SLIT2: variants seen among roughly 807,000 people sequenced by gnomAD.
The protein encoded by SLIT2 is slit homolog 2 protein.
Under a neutral mutation model 185.7 loss-of-function variants are expected in SLIT2, and 41 were observed. That is an observed-to-expected ratio of 0.22 (90% confidence interval 0.17 to 0.29). The LOEUF (loss-of-function observed/expected upper bound fraction) is 0.29, where lower values mean the gene tolerates loss of function less well. SLIT2 is among the 10% of genes least tolerant of loss of function. The pLI is 1.00. For synonymous variants in SLIT2, 693 were observed against 680.2 expected (o/e 1.02, Z -0.29); for missense variants, 1,571 against 1,909.0 (o/e 0.82, Z 3.30).
chr4:20,573,085 C>T (rs554330198), intron 29 of SLIT2: 98 of 662,998 alleles, frequency 1.5e-4, no homozygotes, highest in Non-Finnish European at 2.2e-4. Flanking sequence ...GCGTGTGGCC[C>T]GGCTGTAGGT....
At chr4:20,529,150 A>G (rs776952264) in intron 16 of SLIT2, 51 bp downstream of exon 16, 41 of 1,396,888 alleles carry the variant, frequency 2.9e-5, no homozygotes, top group Non-Finnish European at 4.0e-5. Context: ...GAATGAAAGC[A>G]TTAAAGCATA....
At chr4:20,341,407 T>G (rs908338423) in intron 4 of SLIT2, among the ~76,000 whole-genome samples, 5 of 152,224 alleles carry the variant, frequency 3.3e-5, no homozygotes, top group African/African-American at 1.2e-4. Context: ...TACTGTTTTG[T>G]TTACTGTAAC....
chr4:20,483,958 A>G (rs1716962128), intron 6 of SLIT2, among the ~76,000 whole-genome samples: 2 of 152,086 alleles, frequency 1.3e-5, no homozygotes. Context: ...TTTTTCAGTC[A>G]TTGAGTATCA....
chr4:20,315,346 A>G (rs1207332810), intron 4 of SLIT2, among the ~76,000 whole-genome samples: 1 of 152,152 alleles, frequency 6.6e-6, no homozygotes, highest in African/African-American at 2.4e-5. Context: ...CAAAGTACAC[A>G]GCATTAGGTA....
intron 4 of SLIT2, among the ~76,000 whole-genome samples, chr4:20,463,271 C>G (rs1026127710): frequency 1.3e-5 from 2 of 151,652 alleles, no homozygotes; most frequent in African/African-American, 4.8e-5. Flanking sequence ...CTGAAAATTA[C>G]CAAGCTTAAT....
At chr4:20,362,174 A>C (rs1159602125) in intron 4 of SLIT2, among the ~76,000 whole-genome samples, 1 of 152,128 alleles carries the variant, frequency 6.6e-6, no homozygotes, top group Non-Finnish European at 1.5e-5. Context: ...GAGAGTGCCC[A>C]GGACAAAGGA....
chr4:20,477,112 A>G (rs766775238), intron 5 of SLIT2, among the ~76,000 whole-genome samples: 1 of 151,052 alleles, frequency 6.6e-6, no homozygotes, highest in Non-Finnish European at 1.5e-5. Context: ...AAAATGAACT[A>G]TCTAGAGTTA....
chr4:20,367,541 C>T (rs1165190294), intron 4 of SLIT2, among the ~76,000 whole-genome samples: 1 of 152,092 alleles, frequency 6.6e-6, no homozygotes, highest in Non-Finnish European at 1.5e-5. Context: ...CAGAAAATAT[C>T]CTAAGCATAA....
chr4:20,330,955 C>G (rs1720013698), intron 4 of SLIT2, among the ~76,000 whole-genome samples: 1 of 152,054 alleles, frequency 6.6e-6, no homozygotes, highest in Non-Finnish European at 1.5e-5. Context: ...AATTGCAGTT[C>G]TCTTCAAAGT....
chr4:20,433,554 T>C (rs1005667051), intron 4 of SLIT2, among the ~76,000 whole-genome samples: 1 of 152,230 alleles, frequency 6.6e-6, no homozygotes, highest in African/African-American at 2.4e-5. Context: ...ATTTTCCTTC[T>C]GTAAATATAC....
chr4:20,294,148 G>T (rs1716239577), intron 4 of SLIT2, among the ~76,000 whole-genome samples: 1 of 151,964 alleles, frequency 6.6e-6, no homozygotes, highest in South Asian at 2.1e-4. Flanking sequence ...AGGAGTTTGA[G>T]ACTAGCCTGG....
intron 12 of SLIT2, among the ~76,000 whole-genome samples, chr4:20,523,049 G>A (rs1350773089): frequency 1.3e-5 from 2 of 152,196 alleles, no homozygotes. Flanking sequence ...CAGCCTGCAT[G>A]TATTAAGGAG....
chr4:20,549,177 T>A, intron 24 of SLIT2, 49 bp downstream of exon 24: 1 of 1,150,848 alleles, frequency 8.7e-7, no homozygotes, highest in Non-Finnish European at 1.3e-6. Flanking sequence ...GAGATCTGAG[T>A]TTGGGGTTGT....
At chr4:20,263,931 A>AT (rs1712760057) in intron 3 of SLIT2, among the ~76,000 whole-genome samples, 1 of 151,842 alleles carries the variant, frequency 6.6e-6, no homozygotes, top group Non-Finnish European at 1.5e-5. Context: ...CCATATTTAC[A>AT]TTTTTAAAAA....
chr4:20,310,208 G>A (rs1378018606), intron 4 of SLIT2, among the ~76,000 whole-genome samples: 1 of 151,784 alleles, frequency 6.6e-6, no homozygotes, highest in African/African-American at 2.4e-5. Flanking sequence ...ATGCTTTCTG[G>A]ACATTCTTGC....
At chr4:20,466,488 A>AT (rs777457381) in intron 4 of SLIT2, among the ~76,000 whole-genome samples, 15 of 151,802 alleles carry the variant, frequency 9.9e-5, no homozygotes, top group South Asian at 2.1e-4. Flanking sequence ...ACTAGTATTT[A>AT]TTTTTTTTAC....
intron 4 of SLIT2, among the ~76,000 whole-genome samples, chr4:20,354,904 TGTGA>T (rs771975773): frequency 0.01 from 649 of 63,294 alleles, 10 homozygotes; most frequent in African/African-American, 0.02. Context: ...TGTGTGTGTG[TGTGA>T]GAGAGAGAGA....
chr4:20,595,705 G>A lies in SLIT2; in HGVS notation c.3191G>A (p.Cys1064Tyr), dbSNP rs2148957664. 1 of 1,613,894 alleles carries A rather than the reference G, an allele frequency of 6.2e-7. No individual in the cohort carries two copies. The highest frequency in any genetic ancestry group is 8.5e-7 in the Non-Finnish European group (1 of 1,179,832). ...CCTGCTTGTTCCAACAGATGTGACT[G>A]CACACCAGGGTACGTAGGTGAACAC... ...ILTPKGFKCDCTPGYVGEHCD... is the reference protein window; with the variant it reads ...ILTPKGFKCDYTPGYVGEHCD... The change falls in exon 31 of 37, where the codon TGC (cysteine) becomes TAC (tyrosine). Residue 1064 changes from cysteine to tyrosine, a missense_variant. Cys to Tyr is a radical substitution (Grantham distance 194). Transcript: ENST00000504154.
chr4:20,380,062 T>C (rs865936603), intron 4 of SLIT2, among the ~76,000 whole-genome samples: 19 of 152,022 alleles, frequency 1.2e-4, no homozygotes, highest in African/African-American at 4.3e-4. Context: ...AGGGAATTGA[T>C]CAATGTAAAG....
Sources: allele counts gnomAD v4.1 joint callset (sites outside exome capture counted in the v4.1 genomes callset), GRCh38; gene constraint gnomAD v4.1.1; transcripts MANE v1.5; gene names NCBI Gene and HGNC (gene_info 2026-07-23, HGNC 2026-07-21).